Variants in PACRG observed in about 807,000 individuals in gnomAD.
PACRG encodes parkin coregulated, also known as parkin coregulated gene protein.
In PACRG, 29 loss-of-function variants were observed where a neutral mutation model predicts 29.7. The ratio of observed to expected loss-of-function variants is 0.98; its 90% confidence interval spans 0.73 to 1.33. PACRG has a LOEUF of 1.33. PACRG is among the 40% of genes most tolerant of loss of function. PACRG has a pLI of 0.00. For synonymous variants in PACRG, 116 were observed against 118.7 expected, an observed-to-expected ratio of 0.98 and a Z score of 0.15; for missense variants, 279 against 316.2, an observed-to-expected ratio of 0.88 and a Z score of 0.89.
At chr6:162,940,617 G>T (rs2128118162) in intron 2 of PACRG, among the ~76,000 whole-genome samples, 1 of 152,270 alleles carries the variant, frequency 6.6e-6, no homozygotes, top group African/African-American at 2.4e-5. Flanking sequence ...CACAAGACTT[G>T]AAAGTCCCAC....
At chr6:162,751,084 G>A (rs1781478267) in intron 1 of PACRG, among the ~76,000 whole-genome samples, 1 of 152,096 alleles carries the variant, frequency 6.6e-6, no homozygotes, top group African/African-American at 2.4e-5. Context: ...ACTAGTCAAA[G>A]ATGTTTCCAA....
intron 1 of PACRG, among the ~76,000 whole-genome samples, chr6:162,765,469 C>T (rs1344006507): frequency 1.3e-5 from 2 of 152,094 alleles, no homozygotes; most frequent in Admixed American, 1.3e-4. Flanking sequence ...AGTGAGACCA[C>T]GTCTACATCT....
intron 2 of PACRG, among the ~76,000 whole-genome samples, chr6:163,044,404 C>A (rs1410306910): frequency 6.6e-6 from 1 of 152,078 alleles, no homozygotes; most frequent in African/African-American, 2.4e-5. Context: ...TGGGCTCAAG[C>A]AATCCTCCTG....
chr6:163,079,890 CTTTT>C lies in PACRG; in HGVS notation c.464-9347_464-9344del, dbSNP rs67162530. Among the ~76,000 whole-genome samples the C allele has an allele frequency of 7.6e-5, 6 of 78,686 alleles. No homozygotes were observed. In the East Asian group the frequency reaches 1.3e-3, roughly 18 times the overall value. The allele number at this position is 78,686 out of a possible 152,430, so 51.6% of individuals were successfully genotyped here. A position where few individuals can be genotyped will look rare whatever the true frequency, so the allele number is the denominator to read the frequency against. On this transcript the variant is annotated intron_variant, in intron 3 of 4. Transcript: ENST00000366888. ...CAGAAGAAGAAATGTAGCAGTCATT[CTTTT>C]TTTTTTTTTTTTTTTTTTTTTGAGA...
chr6:163,159,156 C>T (rs62427643), intron 4 of PACRG, among the ~76,000 whole-genome samples: 2 of 151,952 alleles, frequency 1.3e-5, no homozygotes, highest in Admixed American at 6.6e-5. Flanking sequence ...TTGTTGTAAG[C>T]GTTACATAAT....
intron 2 of PACRG, among the ~76,000 whole-genome samples, chr6:162,959,502 T>C (rs1584875718): frequency 6.6e-6 from 1 of 152,128 alleles, no homozygotes; most frequent in Non-Finnish European, 1.5e-5. Flanking sequence ...GCTGGGGCAA[T>C]GGCCAGCATG....
chr6:163,013,430 TAGTC>T (rs1288376589), intron 2 of PACRG, among the ~76,000 whole-genome samples: 1 of 150,682 alleles, frequency 6.6e-6, no homozygotes, highest in African/African-American at 2.4e-5. Context: ...AGAATATCAA[TAGTC>T]AGTATTACCT....
chr6:163,007,560 T>A (rs1805234606), intron 2 of PACRG, among the ~76,000 whole-genome samples: 1 of 152,160 alleles, frequency 6.6e-6, no homozygotes, highest in Non-Finnish European at 1.5e-5. Flanking sequence ...CACTGGACTC[T>A]GCTGGGATCC....
At chr6:163,137,604 A>C (rs1488654726) in intron 4 of PACRG, among the ~76,000 whole-genome samples, 1 of 152,050 alleles carries the variant, frequency 6.6e-6, no homozygotes, top group African/African-American at 2.4e-5. Context: ...AGTACTCCCT[A>C]ATACCCCGTG....
At chr6:163,225,912 C>T (rs1219452782) in intron 4 of PACRG, among the ~76,000 whole-genome samples, 5 of 152,150 alleles carry the variant, frequency 3.3e-5, no homozygotes, top group African/African-American at 9.7e-5. Context: ...TGCACAGTGG[C>T]TCATGCCTGT....
At chr6:162,837,659 C>A (rs766889722) in intron 2 of PACRG, among the ~76,000 whole-genome samples, 1 of 152,126 alleles carries the variant, frequency 6.6e-6, no homozygotes, top group Non-Finnish European at 1.5e-5. Context: ...AAAAGGTAGA[C>A]TTATCTCAAT....
chr6:162,818,205 A>G (rs1037420283), intron 2 of PACRG, among the ~76,000 whole-genome samples: 1 of 152,222 alleles, frequency 6.6e-6, no homozygotes, highest in African/African-American at 2.4e-5. Context: ...GCTGTCTTCA[A>G]TATCCACATT....
At chr6:162,926,516 G>GA (rs1562740868) in intron 2 of PACRG, among the ~76,000 whole-genome samples, 1 of 152,078 alleles carries the variant, frequency 6.6e-6, no homozygotes, top group Non-Finnish European at 1.5e-5. Flanking sequence ...ACAACCATCT[G>GA]ATGTTCAACA....
intron 2 of PACRG, among the ~76,000 whole-genome samples, chr6:162,952,696 T>C (rs1799742312): frequency 6.6e-6 from 1 of 152,148 alleles, no homozygotes; most frequent in Non-Finnish European, 1.5e-5. Context: ...TAGCCCTGTT[T>C]AGTGAGGGCT....
rs556459938 is a variant in PACRG at position 163,040,934 on chromosome 6, A to G, written c.292-21216A>G. On this transcript the variant is annotated intron_variant, in intron 2 of 4. Coordinates refer to ENST00000366888, the MANE Select transcript of PACRG (RefSeq NM_001080379.2). ...TTAAGACTTTAGGGGACTGTTGATA[A>G]GGCATGATTAGTTTTGAAATGTGAA... 2.6e-5 allele frequency among the ~76,000 whole-genome samples: 4 copies of G among 152,314 alleles called. No individual in the cohort carries two copies. The South Asian group carries it at 8.3e-4, about 32-fold the overall frequency.
intron 1 of PACRG, among the ~76,000 whole-genome samples, chr6:162,798,728 T>C (rs559145650): frequency 1.3e-5 from 2 of 152,308 alleles, no homozygotes; most frequent in East Asian, 3.9e-4. Flanking sequence ...AAGTGAAAGC[T>C]TCTTGTCTGT....
intron 4 of PACRG, among the ~76,000 whole-genome samples, chr6:163,290,014 ATT>A (rs1039887181): frequency 4.6e-5 from 7 of 151,620 alleles, no homozygotes; most frequent in Admixed American, 6.6e-5. Flanking sequence ...CACTTGGCTA[ATT>A]TTGTATTTTT....
chr6:163,233,932 C>T, intron 4 of PACRG, among the ~76,000 whole-genome samples: 1 of 152,158 alleles, frequency 6.6e-6, no homozygotes, highest in East Asian at 1.9e-4. Flanking sequence ...TAGAAATATT[C>T]CCTAAATAAT....
chr6:163,245,549 G>T (rs529004805), intron 4 of PACRG, among the ~76,000 whole-genome samples: 28 of 152,254 alleles, frequency 1.8e-4, no homozygotes, highest in Admixed American at 1.6e-3. Context: ...GGATCACGGG[G>T]TTCATAGAGA....
Sources: gnomAD v4.1 joint callset for allele counts (sites outside exome capture counted in the v4.1 genomes callset) on GRCh38, gnomAD v4.1.1 for gene constraint, MANE v1.5 for transcripts, NCBI Gene and HGNC (gene_info 2026-07-23, HGNC 2026-07-21) for gene names.